SGO2: variants seen among roughly 807,000 people sequenced by gnomAD.
The protein encoded by SGO2 is shugoshin-like 2.
In SGO2, 68 loss-of-function variants were observed where a neutral mutation model predicts 99.5. The ratio of observed to expected loss-of-function variants is 0.68; its 90% confidence interval spans 0.56 to 0.84. The LOEUF is 0.84. Among genes scored for constraint, SGO2 ranks in the 40% least tolerant of loss-of-function variants. The pLI is 0.00. For synonymous variants in SGO2, 457 were observed against 487.1 expected (o/e 0.94, Z 0.81); for missense variants, 1,350 against 1,436.7 (o/e 0.94, Z 0.97).
intron 8 of SGO2, among the ~76,000 whole-genome samples, chr2:200,580,855 A>T (rs2033819979): frequency 6.6e-6 from 1 of 152,012 alleles, no homozygotes; most frequent in African/African-American, 2.4e-5. Flanking sequence ...AATAGAACAC[A>T]CACAAAAAAA....
Position 200,575,458 on chromosome 2 carries a change from G to A in SGO2, c.3779G>A (p.Arg1260Lys). ...TPFYFKEPSL[R>K]DKMRR Reference sequence around the variant, plus strand: ...TTCTATTTTAAAGAGCCAAGCCTCAGAGAGTAAGTATTTCAAATGATTTTA... The same window carrying A: ...TTCTATTTTAAAGAGCCAAGCCTCAAAGAGTAAGTATTTCAAATGATTTTA... The change falls in exon 8 of 9, where the codon AGA (arginine) becomes AAA (lysine). Residue 1260 changes from arginine (R) to lysine (K), a missense_variant. Physicochemically the swap from Arg to Lys is conservative, Grantham distance 26. Transcript: ENST00000357799. The A allele has an allele frequency of 6.4e-7, 1 of 1,571,398 alleles. No homozygotes were observed.
chr2:200,552,830 A>G (rs2032552202), intron 5 of SGO2, among the ~76,000 whole-genome samples: 1 of 152,004 alleles, frequency 6.6e-6, no homozygotes, highest in Admixed American at 6.6e-5. Context: ...TGTCTCATCC[A>G]TTGACTAAGA....
At position 200,583,934 on chromosome 2, in the gene SGO2, A is replaced by G. The variant is rs543189414; in HGVS notation, c.*470A>G. Among the ~76,000 whole-genome samples, 9 of 152,290 alleles carry G rather than the reference A, an allele frequency of 5.9e-5. No homozygotes were observed. Among genetic ancestry groups the G allele is most frequent in the African/African-American group, 2.2e-4 (9 of 41,554 alleles). On this transcript the variant is annotated 3_prime_UTR_variant, in exon 9 of 9. Coordinates refer to ENST00000357799, the MANE Select transcript of SGO2 (RefSeq NM_152524.6). Reference sequence around the variant, plus strand: ...TTCATTCTTCTGTTTTCAGAAATACATGTTGAATGTCAGCTTCTGTATTAT... The same window carrying G: ...TTCATTCTTCTGTTTTCAGAAATACGTGTTGAATGTCAGCTTCTGTATTAT...
intron 8 of SGO2, 113 bp downstream of exon 8, chr2:200,575,574 AT>A: frequency 1.4e-6 from 1 of 740,136 alleles, no homozygotes; most frequent in Non-Finnish European, 2.1e-6. Flanking sequence ...TATATTATTG[AT>A]ATGTAACAAC....
intron 2 of SGO2, 138 bp from the exon 3 acceptor site, chr2:200,534,858 T>G: frequency 1.8e-6 from 1 of 551,828 alleles, no homozygotes; most frequent in East Asian, 3.6e-5. Flanking sequence ...TTCTCAAAAC[T>G]ACATCTGTAT....
Position 200,573,328 on chromosome 2 carries a change from A to G in SGO2, c.2982A>G (p.Ala994=), listed in dbSNP as rs775060876. Reference sequence around the variant, plus strand: ...GTAAGAAAGAATCATCATGCAAGGCAAAGAACATTTTGACAAAAGCTAAGA... The same window carrying G: ...GTAAGAAAGAATCATCATGCAAGGCGAAGAACATTTTGACAAAAGCTAAGA... ...KKRKKESSCK[A]KNILTKAKNK... Residue 994 remains alanine, a synonymous_variant, in exon 7 of 9, where the codon GCA becomes GCG. Coordinates refer to ENST00000357799, the MANE Select transcript of SGO2 (RefSeq NM_152524.6). The G allele has an allele frequency of 8.7e-6, 14 of 1,605,202 alleles. No homozygotes were observed. The highest frequency in any genetic ancestry group is 1.2e-5 in the Non-Finnish European group (14 of 1,177,524).
Position 200,530,778 on chromosome 2 carries a change from G to A in SGO2, c.-2-2196G>A, listed in dbSNP as rs182302477. The stretch of plus-strand genomic sequence containing the variant: ...AAAATGCTGCTGATAGATCAAGTTA[G>A]ATGAAGACTGAGAATTGACTATTAG... On this transcript the variant is annotated intron_variant, in intron 1 of 8. Transcript: ENST00000357799. 1.1e-3 allele frequency among the ~76,000 whole-genome samples: 160 copies of A among 152,358 alleles called. 2 individuals are homozygous for A. Among genetic ancestry groups the A allele is most frequent in the Non-Finnish European group, 2.2e-4 (15 of 68,030 alleles).
At chr2:200,545,986 G>A (rs971506302) in intron 5 of SGO2, among the ~76,000 whole-genome samples, 1 of 152,116 alleles carries the variant, frequency 6.6e-6, no homozygotes, top group African/African-American at 2.4e-5. Context: ...GTGGTTGTAG[G>A]AGGTGCATTC....
intron 5 of SGO2, among the ~76,000 whole-genome samples, chr2:200,549,426 CA>C (rs1388196443): frequency 1.3e-5 from 2 of 152,122 alleles, no homozygotes; most frequent in African/African-American, 4.8e-5. Flanking sequence ...ACCCTAATAC[CA>C]AAACCAGACA....
In SGO2 at chr2:200,558,862, G is replaced by A. The variant is rs188892237; in HGVS notation, c.474-10801G>A. ...CTGCAACCCAGGCTAGAGTGCAGTG[G>A]TGCGATCTTGGCTCACTGCAGCCTC... On this transcript the variant is annotated intron_variant, in intron 5 of 8. Transcript: ENST00000357799. Among the ~76,000 whole-genome samples the A allele has an allele frequency of 8.3e-3, 1,263 of 151,648 alleles. 61 individuals are homozygous for A. The highest frequency in any genetic ancestry group is 0.075 in the Admixed American group (1,136 of 15,196).
intron 1 of SGO2, among the ~76,000 whole-genome samples, chr2:200,529,731 T>C (rs2031280534): frequency 6.6e-6 from 1 of 152,138 alleles, no homozygotes; most frequent in Admixed American, 6.5e-5. Flanking sequence ...TTTCACCATG[T>C]TGGCTGGGCT....
intron 1 of SGO2, among the ~76,000 whole-genome samples, chr2:200,527,881 T>A (rs2031179042): frequency 6.6e-6 from 1 of 152,162 alleles, no homozygotes; most frequent in South Asian, 2.1e-4. Context: ...AAGGGGAGAA[T>A]GGGGGTAAGT....
Position 200,572,024 on chromosome 2 carries a change from G to GA in SGO2, c.1682dup (p.Asn561LysfsTer7), listed in dbSNP as rs2033447865. On this transcript the variant is annotated frameshift_variant, in exon 7 of 9. Transcript: ENST00000357799. LOFTEE classifies it high-confidence loss of function. ...CCAAAAGGATAAAGTAACCATTTATGAAAACCTAGACGTCACAAATGAATT... is the reference window on the plus strand; with the variant it reads ...CCAAAAGGATAAAGTAACCATTTATGAAAAACCTAGACGTCACAAATGAATT... 1 of 1,612,288 alleles carries GA rather than the reference G, an allele frequency of 6.2e-7. No individual in the cohort carries two copies. The highest frequency in any genetic ancestry group is 1.3e-5 in the African/African-American group (1 of 74,824).
chr2:200,533,217 T>A (rs2031505387), intron 2 of SGO2, 109 bp downstream of exon 2: 1 of 1,220,982 alleles, frequency 8.2e-7, no homozygotes. Context: ...AAATGACCAT[T>A]TTGTTAACTG....
Position 200,573,537 on chromosome 2 carries a change from A to G in SGO2, c.3191A>G (p.Glu1064Gly), listed in dbSNP as rs2033538020. 1 of 1,610,968 alleles carries G rather than the reference A, an allele frequency of 6.2e-7. No individual in the cohort carries two copies. The highest frequency in any genetic ancestry group is 8.5e-7 in the Non-Finnish European group (1 of 1,179,004). The change falls in exon 7 of 9, where the codon GAA becomes GGA. Residue 1064 changes from glutamate to glycine, a missense_variant. By Grantham distance (98) the Glu-to-Gly change is moderately conservative. Transcript: ENST00000357799. ...CTCCCTTTTGTGGAAGAAATAAAAG[A>G]AGGAGAGTGTCAGGTTAAAAAGGTA... ...KDLPFVEEIK[E>G]GECQVKKVNK...
chr2:200,568,306 T>A (rs2033267510), intron 5 of SGO2, among the ~76,000 whole-genome samples: 1 of 152,200 alleles, frequency 6.6e-6, no homozygotes, highest in African/African-American at 2.4e-5. Context: ...TAAATCATGT[T>A]TTTCTATTGC....
intron 5 of SGO2, among the ~76,000 whole-genome samples, chr2:200,560,316 C>T (rs546201709): frequency 6.6e-6 from 1 of 152,138 alleles, no homozygotes; most frequent in South Asian, 2.1e-4. Flanking sequence ...CATGATATAT[C>T]TTTTTCTATA....
At chr2:200,531,777 T>G (rs2031393444) in intron 1 of SGO2, 1 of 152,270 alleles carries the variant, frequency 6.6e-6, no homozygotes, top group South Asian at 2.1e-4. Context: ...CACCTCAAGG[T>G]GTATTCCCAG....
At chr2:200,578,784 G>A (rs1191498268) in intron 8 of SGO2, among the ~76,000 whole-genome samples, 2 of 152,160 alleles carry the variant, frequency 1.3e-5, no homozygotes, top group East Asian at 3.9e-4. Context: ...AGGATCTATA[G>A]TATGTTTTAA....
Sources: gnomAD v4.1 joint callset for allele counts (sites outside exome capture counted in the v4.1 genomes callset) on GRCh38, gnomAD v4.1.1 for gene constraint, MANE v1.5 for transcripts, NCBI Gene and HGNC (gene_info 2026-07-23, HGNC 2026-07-21) for gene names.